Variants in TNFRSF8 observed in about 807,000 individuals in gnomAD.
The protein encoded by TNFRSF8 is tumor necrosis factor receptor superfamily member 8.
TNFRSF8 carries 26 observed loss-of-function variants against 70.8 expected under a neutral mutation model. The observed-to-expected ratio is 0.37, with a 90% CI of 0.27 to 0.51. The LOEUF is 0.51. Ranked by LOEUF, TNFRSF8 falls within the 20% of genes least tolerant of loss-of-function variation. TNFRSF8 has a pLI of 0.94. For synonymous variants in TNFRSF8, 356 were observed against 339.2 expected, an observed-to-expected ratio of 1.05 and a Z score of -0.54; for missense variants, 720 against 807.9, an observed-to-expected ratio of 0.89 and a Z score of 1.32.
chr1:12,114,429 C>T (rs2101011545), intron 7 of TNFRSF8, among the ~76,000 whole-genome samples: 1 of 152,114 alleles, frequency 6.6e-6, no homozygotes, highest in East Asian at 1.9e-4. Flanking sequence ...TTCCCCAAAT[C>T]CTGCCCAGTT....
Position 12,142,706 on chromosome 1 carries a change from C to A in TNFRSF8, c.*175C>A. Reference sequence around the variant, plus strand: ...GTCTGGTGGTCTCTGCTTGCATCCCCAACTTAGCTGTCCCCTGACCCAGAG... The same window carrying A: ...GTCTGGTGGTCTCTGCTTGCATCCCAAACTTAGCTGTCCCCTGACCCAGAG... On this transcript the variant is annotated 3_prime_UTR_variant, in exon 15 of 15. Transcript: ENST00000263932. The surrounding 1 kb of genome is among the most constrained non-coding windows in gnomAD (Gnocchi z 5.0). 1 of 839,056 alleles carries A rather than the reference C, an allele frequency of 1.2e-6. No individual in the cohort carries two copies. Among genetic ancestry groups the A allele is most frequent in the Non-Finnish European group, 1.8e-6 (1 of 557,248 alleles). The allele number at this position is 839,056 out of a possible 1,614,324, so 52.0% of individuals were successfully genotyped here.
At position 12,138,093 on chromosome 1, in the gene TNFRSF8, G is replaced by A; in HGVS notation, c.1336-136G>A. Reference sequence around the variant, plus strand: ...CCAGAAAGCTGAGAAGCCCGGGGCAGCTCATGGCAGCTTTTAAAGCAGAAA... The same window carrying A: ...CCAGAAAGCTGAGAAGCCCGGGGCAACTCATGGCAGCTTTTAAAGCAGAAA... On this transcript the variant is annotated intron_variant, in intron 13 of 14. Transcript: ENST00000263932. This position sits in a 1 kb window ranked among gnomAD's most constrained non-coding sequence, Gnocchi z 5.7. The A allele has an allele frequency of 2.4e-6, 2 of 844,948 alleles. No individual in the cohort carries two copies. Among genetic ancestry groups the A allele is most frequent in the Non-Finnish European group, 3.6e-6 (2 of 554,792 alleles). The allele number at this position is 844,948 out of a possible 1,614,324, so 52.3% of individuals were successfully genotyped here.
At position 12,142,734 on chromosome 1, in the gene TNFRSF8, T is replaced by G; in HGVS notation, c.*203T>G. ...CTTAGCTGTCCCCTGACCCAGAGCC[T>G]AGGGGATCCGGGGCTTGTACAGAAG... On this transcript the variant is annotated 3_prime_UTR_variant, in exon 15 of 15. Transcript: ENST00000263932. The surrounding 1 kb of genome is among the most constrained non-coding windows in gnomAD (Gnocchi z 5.0). The G allele has an allele frequency of 3.1e-6, 2 of 654,054 alleles. No homozygotes were observed. Among genetic ancestry groups the G allele is most frequent in the Admixed American group, 3.0e-5 (1 of 33,176 alleles). 40.5% of individuals were successfully genotyped at this position (654,054 alleles called of 1,614,324 possible). A position where few individuals can be genotyped will look rare whatever the true frequency, so the allele number is the denominator to read the frequency against.
chr1:12,138,415 G>A lies in TNFRSF8; in HGVS notation c.1522G>A (p.Glu508Lys). 1 of 1,613,140 alleles carries A rather than the reference G, an allele frequency of 6.2e-7. No individual in the cohort carries two copies. Reference protein sequence around the residue: ...RDLPEPRVSTEHTNNKIEKIY... With the variant: ...RDLPEPRVSTKHTNNKIEKIY... ...CCTTCCTGAGCCCCGGGTGTCCACGGAGCACACCAATAACAAGATTGGTGA... is the reference window on the plus strand; with the variant it reads ...CCTTCCTGAGCCCCGGGTGTCCACGAAGCACACCAATAACAAGATTGGTGA... The change falls in exon 14 of 15, where the codon GAG becomes AAG. Residue 508 changes from glutamate to lysine, a missense_variant. Coordinates refer to ENST00000263932, the MANE Select transcript of TNFRSF8 (RefSeq NM_001243.5). The surrounding 1 kb of genome is among the most constrained non-coding windows in gnomAD (Gnocchi z 5.7).
chr1:12,133,257 G>T (rs973601212), intron 12 of TNFRSF8, among the ~76,000 whole-genome samples: 1 of 151,812 alleles, frequency 6.6e-6, no homozygotes, highest in Non-Finnish European at 1.5e-5. Context: ...CTGCGATCCC[G>T]TTCACCCACT....
At chr1:12,107,014 C>T (rs1204362701) in intron 4 of TNFRSF8, among the ~76,000 whole-genome samples, 1 of 152,234 alleles carries the variant, frequency 6.6e-6, no homozygotes, top group East Asian at 1.9e-4. Context: ...TGCCACACAG[C>T]GGCGCCAGAG....
chr1:12,117,088 T>C (rs574828643), intron 8 of TNFRSF8, among the ~76,000 whole-genome samples: 63 of 152,226 alleles, frequency 4.1e-4, no homozygotes, highest in Admixed American at 6.5e-4. Flanking sequence ...TCTTTTTTTT[T>C]CCTCTTTTTT....
At chr1:12,073,686 C>T (rs1250868653) in intron 1 of TNFRSF8, among the ~76,000 whole-genome samples, 1 of 151,346 alleles carries the variant, frequency 6.6e-6, no homozygotes, top group African/African-American at 2.4e-5. Context: ...CTCTGCCTCC[C>T]GGGTTCAAAC....
chr1:12,084,580 AG>A (rs1557579457), intron 2 of TNFRSF8, 29 bp downstream of exon 2: 9 of 1,499,996 alleles, frequency 6.0e-6, no homozygotes, highest in African/African-American at 1.4e-5. Context: ...GGTGGGGAGA[AG>A]GGGGGAAATT....
At chr1:12,127,104 C>T (rs906017757) in intron 12 of TNFRSF8, among the ~76,000 whole-genome samples, 1 of 152,254 alleles carries the variant, frequency 6.6e-6, no homozygotes, top group Non-Finnish European at 1.5e-5. Flanking sequence ...CTAGCTCTCA[C>T]CTGGGGCAGG....
chr1:12,139,755 C>T (rs1238941980), intron 14 of TNFRSF8, among the ~76,000 whole-genome samples: 1 of 152,222 alleles, frequency 6.6e-6, no homozygotes, highest in Non-Finnish European at 1.5e-5. Flanking sequence ...TTTTTTCAGC[C>T]TCCTGAGTAG....
At chr1:12,104,300 T>C in intron 3 of TNFRSF8, 79 bp from the exon 4 acceptor site, 1 of 1,545,236 alleles carries the variant, frequency 6.5e-7, no homozygotes, top group Non-Finnish European at 8.9e-7. Flanking sequence ...GCACCTGCCC[T>C]CTCCCCCTCA....
intron 1 of TNFRSF8, among the ~76,000 whole-genome samples, chr1:12,072,468 G>A (rs983186190): frequency 2.7e-4 from 41 of 152,152 alleles, no homozygotes; most frequent in African/African-American, 8.9e-4. Context: ...AGAGTTTGCA[G>A]TGATGAGGCT....
intron 10 of TNFRSF8, 119 bp from the exon 11 acceptor site, chr1:12,125,832 C>CTGT: frequency 1.2e-6 from 1 of 818,474 alleles, no homozygotes; most frequent in Non-Finnish European, 2.2e-6. Flanking sequence ...TGGAAAGGAC[C>CTGT]TGTTGTTGTT....
chr1:12,065,611 T>C lies in TNFRSF8; in HGVS notation c.63+1950T>C, dbSNP rs75825541. On this transcript the variant is annotated intron_variant, in intron 1 of 14. Coordinates refer to ENST00000263932, the MANE Select transcript of TNFRSF8 (RefSeq NM_001243.5). Reference sequence around the variant, plus strand: ...TATATTGTTTTAATAGACATATATATAGTTTTCCATATACTATACCCTACA... The same window carrying C: ...TATATTGTTTTAATAGACATATATACAGTTTTCCATATACTATACCCTACA... Among the ~76,000 whole-genome samples the C allele has an allele frequency of 6.4e-3, 976 of 152,324 alleles. 11 individuals carry two copies. The highest frequency in any genetic ancestry group is 0.022 in the African/African-American group (901 of 41,576).
At chr1:12,094,724 C>G (rs1168844642) in intron 2 of TNFRSF8, among the ~76,000 whole-genome samples, 1 of 149,478 alleles carries the variant, frequency 6.7e-6, no homozygotes, top group Non-Finnish European at 1.5e-5. Context: ...CTACCAGGTT[C>G]AAGCAATTCT....
At chr1:12,085,890 G>A (rs1049694282) in intron 2 of TNFRSF8, among the ~76,000 whole-genome samples, 3 of 152,222 alleles carry the variant, frequency 2.0e-5, no homozygotes, top group African/African-American at 4.8e-5. Flanking sequence ...CGATGCCCTC[G>A]TGGTCTCTGA....
chr1:12,137,559 T>TG (rs761002914), intron 13 of TNFRSF8, among the ~76,000 whole-genome samples: 10,840 of 122,472 alleles, frequency 0.089, 422 homozygotes, highest in South Asian at 0.21. Flanking sequence ...TTTTTTTTTG[T>TG]TTTTTTTTTG....
intron 2 of TNFRSF8, among the ~76,000 whole-genome samples, chr1:12,085,572 C>T (rs1237233633): frequency 6.6e-6 from 1 of 152,144 alleles, no homozygotes; most frequent in Non-Finnish European, 1.5e-5. Context: ...TCTTGACTGC[C>T]CCAGCTCAGG....
Sources: allele counts gnomAD v4.1 joint callset (sites outside exome capture counted in the v4.1 genomes callset), GRCh38; gene constraint gnomAD v4.1.1; non-coding constraint Gnocchi (gnomAD v3.1); transcripts MANE v1.5; gene names NCBI Gene and HGNC (gene_info 2026-07-23, HGNC 2026-07-21).